The following PMFBP1 variants were observed in gnomAD, a reference collection of about 807,000 sequenced individuals.
The protein encoded by PMFBP1 is polyamine modulated factor 1 binding protein 1, also known as polyamine-modulated factor 1-binding protein 1.
PMFBP1 carries 131 observed loss-of-function variants against 137.8 expected under a neutral mutation model. The ratio of observed to expected loss-of-function variants is 0.95; its 90% CI spans 0.82 to 1.10. The LOEUF (loss-of-function observed/expected upper bound fraction) is 1.10, where lower values mean the gene tolerates loss of function less well. PMFBP1 is among the 50% of genes least tolerant of loss of function. The pLI is 0.00. For missense variants in PMFBP1, 1,199 were observed against 1,175.4 expected, an observed-to-expected ratio of 1.02 and a Z score of -0.29; for synonymous variants, 490 against 450.4, an observed-to-expected ratio of 1.09 and a Z score of -1.11.
the PMFBP1 span, among the ~76,000 whole-genome samples, chr16:72,247,564 T>G: frequency 1.3e-5 from 2 of 152,314 alleles, no homozygotes; most frequent in East Asian, 1.9e-4. Flanking sequence ...GGACATTATC[T>G]TGAGGGTGAA....
intron 5 of PMFBP1, among the ~76,000 whole-genome samples, chr16:72,145,900 C>G (rs1480255653): frequency 6.6e-6 from 1 of 152,100 alleles, no homozygotes; most frequent in Non-Finnish European, 1.5e-5. Flanking sequence ...AGCCTGTCAA[C>G]CAAAAAAGTT....
At chr16:72,138,497 T>A (rs1164987550) in intron 7 of PMFBP1, among the ~76,000 whole-genome samples, 6 of 152,174 alleles carry the variant, frequency 3.9e-5, no homozygotes, top group Non-Finnish European at 5.9e-5. Context: ...AACTCCTGGT[T>A]CATCAACTTT....
At chr16:72,119,468 C>T (rs1359676898) in intron 20 of PMFBP1, 114 bp from the exon 21 acceptor site, 1 of 1,593,498 alleles carries the variant, frequency 6.3e-7, no homozygotes, top group Non-Finnish European at 8.5e-7. Flanking sequence ...CTTCTTGCCT[C>T]TGGGGTAACA....
intron 7 of PMFBP1, among the ~76,000 whole-genome samples, chr16:72,138,209 A>C (rs2042662403): frequency 6.6e-6 from 1 of 152,224 alleles, no homozygotes; most frequent in African/African-American, 2.4e-5. Context: ...TACAAAGTTC[A>C]ATATTGATCC....
intron 5 of PMFBP1, among the ~76,000 whole-genome samples, chr16:72,146,293 A>T (rs1358247860): frequency 6.6e-6 from 1 of 152,238 alleles, no homozygotes; most frequent in Non-Finnish European, 1.5e-5. Context: ...ACCTCAATAG[A>T]TGCAGAAAAG....
chr16:72,223,341 T>C, the PMFBP1 span, among the ~76,000 whole-genome samples: 1 of 152,200 alleles, frequency 6.6e-6, no homozygotes, highest in African/African-American at 2.4e-5. Context: ...TTTCATTTTG[T>C]TTTAATCTTG....
chr16:72,249,920 C>CAAAAAA, the PMFBP1 span, among the ~76,000 whole-genome samples: 39 of 30,074 alleles, frequency 1.3e-3, no homozygotes, highest in Admixed American at 2.1e-3. Context: ...GACTCCATCG[C>CAAAAAA]AAAAAAAAAA....
the PMFBP1 span, among the ~76,000 whole-genome samples, chr16:72,224,281 C>T: frequency 6.6e-6 from 1 of 152,164 alleles, no homozygotes; most frequent in African/African-American, 2.4e-5. Flanking sequence ...TCTTTCTTGT[C>T]TGAGCTCTTG....
the PMFBP1 span, among the ~76,000 whole-genome samples, chr16:72,192,757 C>T: frequency 2.9e-4 from 44 of 152,064 alleles, no homozygotes; most frequent in Admixed American, 1.4e-3. Flanking sequence ...AAAAAATTAG[C>T]CAGGTGTGGT....
rs374097364 is a variant in PMFBP1, at chr16:72,125,412, G to C, written c.2254-7C>G. The C allele has an allele frequency of 2.5e-6, 4 of 1,607,680 alleles. No homozygotes were observed. Among genetic ancestry groups the C allele is most frequent in the East Asian group, 2.2e-5 (1 of 44,852 alleles). The stretch of plus-strand genomic sequence containing the variant: ...CTGAGGTCACGTGATTGAGCTTCCG[G>C]AAAAGACAAAGAGGACGAATGGCTG... On this transcript the variant is annotated splice_polypyrimidine_tract_variant and splice_region_variant and intron_variant, in intron 15 of 20. Transcript: ENST00000237353.
At chr16:72,217,381 T>C in the PMFBP1 span, among the ~76,000 whole-genome samples, 1 of 152,156 alleles carries the variant, frequency 6.6e-6, no homozygotes, top group Non-Finnish European at 1.5e-5. Context: ...TTGTTGTTTT[T>C]ATGTATGACA....
intron 5 of PMFBP1, among the ~76,000 whole-genome samples, chr16:72,146,837 A>G (rs1052480143): frequency 2.6e-5 from 4 of 152,236 alleles, no homozygotes; most frequent in African/African-American, 9.6e-5. Flanking sequence ...GGACCTCTTC[A>G]AGGAGAAATA....
At chr16:72,119,578 T>A in intron 20 of PMFBP1, 1 of 1,445,580 alleles carries the variant, frequency 6.9e-7, no homozygotes. Context: ...AAGATGCCTC[T>A]TCTACCTGTT....
At chr16:72,133,388 C>T (rs1002413739) in intron 9 of PMFBP1, among the ~76,000 whole-genome samples, 2 of 151,872 alleles carry the variant, frequency 1.3e-5, no homozygotes, top group Non-Finnish European at 2.9e-5. Context: ...CATGTTGGCC[C>T]GGCTGGTCTC....
chr16:72,121,386 T>C (rs2042375139), intron 19 of PMFBP1, among the ~76,000 whole-genome samples: 1 of 152,130 alleles, frequency 6.6e-6, no homozygotes, highest in Admixed American at 6.5e-5. Context: ...GCCTTCAATA[T>C]CCCATACAGC....
chr16:72,130,428 A>C, intron 11 of PMFBP1, 71 bp from the exon 12 acceptor site: 2 of 1,608,578 alleles, frequency 1.2e-6, no homozygotes, highest in South Asian at 2.2e-5. Context: ...AGCTGACCCA[A>C]TGGGAAATCC....
At chr16:72,147,878 C>T (rs940033029) in intron 5 of PMFBP1, among the ~76,000 whole-genome samples, 1 of 152,098 alleles carries the variant, frequency 6.6e-6, no homozygotes, top group South Asian at 2.1e-4. Context: ...ACAACAGATA[C>T]TGGAGAGGAT....
chr16:72,230,130 T>C, the PMFBP1 span, among the ~76,000 whole-genome samples: 1 of 152,204 alleles, frequency 6.6e-6, no homozygotes, highest in African/African-American at 2.4e-5. Flanking sequence ...TCCTAACACA[T>C]TCATTTGTGT....
chr16:72,213,497 G>A, the PMFBP1 span, among the ~76,000 whole-genome samples: 1 of 152,182 alleles, frequency 6.6e-6, no homozygotes, highest in Non-Finnish European at 1.5e-5. Flanking sequence ...CCTAGCCAAA[G>A]CCTTTGAGAA....
Sources: gnomAD v4.1 joint callset for allele counts (sites outside exome capture counted in the v4.1 genomes callset) on GRCh38, gnomAD v4.1.1 for gene constraint, MANE v1.5 for transcripts, NCBI Gene and HGNC (gene_info 2026-07-23, HGNC 2026-07-21) for gene names.